BRD4: variants seen among roughly 807,000 people sequenced by gnomAD.
BRD4 encodes bromodomain containing 4.
In BRD4, 16 loss-of-function variants were observed where a neutral mutation model predicts 142.1. The ratio of observed to expected loss-of-function variants is 0.11; its 90% CI spans 0.08 to 0.17. The LOEUF (loss-of-function observed/expected upper bound fraction) is 0.17. Among genes scored for constraint, BRD4 ranks in the 10% least tolerant of loss-of-function variants. The pLI is 1.00. For synonymous variants in BRD4, 833 were observed against 707.5 expected, an observed-to-expected ratio of 1.18 and a Z score of -2.82; for missense variants, 1,424 against 1,810.9, an observed-to-expected ratio of 0.79 and a Z score of 3.88.
intron 1 of BRD4, among the ~76,000 whole-genome samples, chr19:15,302,030 G>A (rs562213440): frequency 1.3e-5 from 2 of 151,942 alleles, no homozygotes; most frequent in African/African-American, 4.8e-5. Context: ...AGCTGGACAT[G>A]GTGGCGCAGG....
At chr19:15,248,847 AG>A in intron 11 of BRD4, 1 of 309,962 alleles carries the variant, frequency 3.2e-6, no homozygotes, top group East Asian at 5.0e-5. Context: ...AAGGTTCAGG[AG>A]GGAAGTAGTT....
intron 7 of BRD4, among the ~76,000 whole-genome samples, chr19:15,262,074 GA>G (rs1234360563): frequency 5.3e-5 from 8 of 152,174 alleles, no homozygotes; most frequent in Admixed American, 2.0e-4. Flanking sequence ...GATCCACAGA[GA>G]ATAGGAGAGA....
chr19:15,253,625 T>G (rs779221333), intron 11 of BRD4: 1 of 1,596,298 alleles, frequency 6.3e-7, no homozygotes, highest in South Asian at 1.1e-5. Flanking sequence ...GCCCAGGTGA[T>G]GGCAGGGCCA....
chr19:15,310,627 G>A (rs984006128), intron 1 of BRD4, among the ~76,000 whole-genome samples: 7 of 151,500 alleles, frequency 4.6e-5, no homozygotes, highest in Non-Finnish European at 1.0e-4. Context: ...CCAAAGTACT[G>A]GGATTACAGG....
At chr19:15,271,301 A>C (rs1769726550) in intron 2 of BRD4, among the ~76,000 whole-genome samples, 2 of 152,248 alleles carry the variant, frequency 1.3e-5, no homozygotes, top group Admixed American at 6.5e-5. Flanking sequence ...GCTTCTTGAA[A>C]TGGTGGCTTC....
chr19:15,243,510 C>T (rs779534505), intron 13 of BRD4, 23 bp from the exon 14 acceptor site: 31 of 1,532,230 alleles, frequency 2.0e-5, no homozygotes, highest in Non-Finnish European at 2.5e-5. Flanking sequence ...AACACCGAGG[C>T]GGTGAGGCCT....
intron 1 of BRD4, among the ~76,000 whole-genome samples, chr19:15,296,472 A>G (rs1417693153): frequency 6.6e-6 from 1 of 152,152 alleles, no homozygotes; most frequent in Non-Finnish European, 1.5e-5. Context: ...ACAGGCCTCA[A>G]TGTGTGTTTG....
intron 11 of BRD4, chr19:15,253,861 C>T (rs1209467879): frequency 1.6e-6 from 2 of 1,277,830 alleles, no homozygotes; most frequent in African/African-American, 2.9e-5. Flanking sequence ...GCTTCCCCGC[C>T]CACCATCCAG....
Position 15,235,731 on chromosome 19 carries a change from A to G in BRD4, c.*2646T>C, listed in dbSNP as rs2047187802. On this transcript the variant is annotated 3_prime_UTR_variant, in exon 20 of 20. Coordinates refer to ENST00000679869, the MANE Select transcript of BRD4 (RefSeq NM_001379291.1). ...GCTTGTACACACCTCTTACTCTGGTATAGGACTAAGATTTCTAGTACTGTG... is the reference window on the plus strand; with the variant it reads ...GCTTGTACACACCTCTTACTCTGGTGTAGGACTAAGATTTCTAGTACTGTG... 6.6e-6 allele frequency: 1 copy of G among 152,212 alleles called. No individual in the cohort carries two copies. 9.4% of individuals were successfully genotyped at this position (152,212 alleles called of 1,614,324 possible). A position where few individuals can be genotyped will look rare whatever the true frequency, so the allele number is the denominator to read the frequency against.
chr19:15,238,911 C>T lies in BRD4; in HGVS notation c.3852G>A (p.Glu1284=), dbSNP rs1369312862. Residue 1284 remains glutamate (E), a synonymous_variant, in exon 19 of 20, where the codon GAG becomes GAA. Coordinates refer to ENST00000679869, the MANE Select transcript of BRD4 (RefSeq NM_001379291.1). This position sits in a 1 kb window ranked among gnomAD's most constrained non-coding sequence, Gnocchi z 7.2. ...GCTCCTGGCGCTGCTGCTGCTGCTG[C>T]TCCTGGCGCCGACGTGCCTCCTCAT... The part of the protein sequence containing the change: ...RAHEEARRRQ[E]QQQQQRQEQQ... The T allele has an allele frequency of 3.1e-6, 5 of 1,595,934 alleles. No individual in the cohort carries two copies. In the African/African-American group the frequency reaches 4.0e-5, roughly 13 times the overall value.
At position 15,332,454 on chromosome 19, in the gene BRD4, G is replaced by A; in HGVS notation, c.-199C>T. On this transcript the variant is annotated 5_prime_UTR_variant, in exon 1 of 20. Coordinates refer to ENST00000679869, the MANE Select transcript of BRD4 (RefSeq NM_001379291.1). Reference sequence around the variant, plus strand: ...GGCAGCCGCCGCAGCCGCTGCCGCCGCCACTGCTTCGGCTCCTCGGCTGCG... The same window carrying A: ...GGCAGCCGCCGCAGCCGCTGCCGCCACCACTGCTTCGGCTCCTCGGCTGCG... 6.7e-6 allele frequency: 1 copy of A among 148,836 alleles called. No individual in the cohort carries two copies. The highest frequency in any genetic ancestry group is 1.5e-5 in the Non-Finnish European group (1 of 67,924). 9.2% of individuals were successfully genotyped at this position (148,836 alleles called of 1,614,324 possible).
chr19:15,318,074 T>A (rs895217571), intron 1 of BRD4, among the ~76,000 whole-genome samples: 1 of 152,234 alleles, frequency 6.6e-6, no homozygotes, highest in African/African-American at 2.4e-5. Flanking sequence ...TAGCACCACC[T>A]TTCACAGAAC....
chr19:15,289,228 C>A (rs1023630842), intron 1 of BRD4, among the ~76,000 whole-genome samples: 1 of 152,164 alleles, frequency 6.6e-6, no homozygotes, highest in Non-Finnish European at 1.5e-5. Context: ...CAAATGATTC[C>A]AGCAGAAAGC....
chr19:15,283,784 G>A (rs1271040485), intron 1 of BRD4, among the ~76,000 whole-genome samples: 1 of 152,212 alleles, frequency 6.6e-6, no homozygotes, highest in Non-Finnish European at 1.5e-5. Flanking sequence ...TCTCAAAGCA[G>A]CAGAGCAGCG....
intron 2 of BRD4, 99 bp from the exon 3 acceptor site, chr19:15,269,141 T>A (rs965280379): frequency 7.2e-7 from 1 of 1,390,112 alleles, no homozygotes; most frequent in Non-Finnish European, 9.8e-7. Context: ...CCCTGGCTGC[T>A]CCACAGGTAA....
At chr19:15,327,195 T>C (rs2048115486) in intron 1 of BRD4, among the ~76,000 whole-genome samples, 1 of 152,144 alleles carries the variant, frequency 6.6e-6, no homozygotes, top group Admixed American at 6.5e-5. Flanking sequence ...AACATAGATA[T>C]ATGACCCAGC....
At position 15,244,417 on chromosome 19, in the gene BRD4, G is replaced by T; in HGVS notation, c.2395C>A (p.Pro799Thr). The stretch of plus-strand genomic sequence containing the variant: ...ACGGGCACCTGGGTGGCAATGAAGG[G>T]TGGGGGCGAGGACTTCATCGCCGGG... ...AAPAMKSSPP[P>T]FIATQVPVLE... Residue 799 changes from proline (P) to threonine (T), a missense_variant, in exon 13 of 20, where the codon CCC becomes ACC. Physicochemically the swap from Pro to Thr is conservative, Grantham distance 38. Around this residue, in one of 16 missense-constraint regions of BRD4, gnomAD observed 598 missense variants for 647.8 expected, o/e 0.92. Coordinates refer to ENST00000679869, the MANE Select transcript of BRD4 (RefSeq NM_001379291.1). 6.3e-7 allele frequency: 1 copy of T among 1,595,060 alleles called. No individual in the cohort carries two copies.
chr19:15,286,815 A>G (rs990242768), intron 1 of BRD4, among the ~76,000 whole-genome samples: 2 of 152,212 alleles, frequency 1.3e-5, no homozygotes, highest in Non-Finnish European at 2.9e-5. Flanking sequence ...TGATTAAAGT[A>G]AAAATTCATT....
At position 15,254,207 on chromosome 19, in the gene BRD4, T is replaced by C; in HGVS notation, c.2103A>G (p.Ser701=). ...TGGACTCACTGGAGCTCTCCGACTCTGAGGACGAGAAGCCCTTCATCTTGG... is the reference window on the plus strand; with the variant it reads ...TGGACTCACTGGAGCTCTCCGACTCCGAGGACGAGAAGCCCTTCATCTTGG... ...GSSKMKGFSS[S]ESESSSESSS... is the part of the protein sequence containing the mutation. Residue 701 remains serine, a synonymous_variant, in exon 11 of 20, where the codon TCA becomes TCG. Coordinates refer to ENST00000679869, the MANE Select transcript of BRD4 (RefSeq NM_001379291.1). The C allele has an allele frequency of 1.2e-6, 2 of 1,614,202 alleles. No individual in the cohort carries two copies. The highest frequency in any genetic ancestry group is 1.1e-5 in the South Asian group (1 of 91,086).
Sources: gnomAD v4.1 joint callset for allele counts (sites outside exome capture counted in the v4.1 genomes callset) on GRCh38, gnomAD v4.1.1 for gene constraint, gnomAD v4.1.1 regional missense constraint, Gnocchi (gnomAD v3.1) non-coding constraint, MANE v1.5 for transcripts, NCBI Gene and HGNC (gene_info 2026-07-23, HGNC 2026-07-21) for gene names.